DAPK1: variants seen among roughly 807,000 people sequenced by gnomAD.
The protein encoded by DAPK1 is death associated protein kinase 1.
DAPK1 carries 56 observed loss-of-function variants against 144.9 expected under a neutral mutation model. That is an observed-to-expected ratio of 0.39 (90% confidence interval 0.31 to 0.48). The LOEUF (loss-of-function observed/expected upper bound fraction) is 0.48. Ranked by LOEUF, DAPK1 falls within the 20% of genes least tolerant of loss-of-function variation. The probability of loss-of-function intolerance (pLI) is 0.95; values close to 1 mark genes in which losing one functional copy is unlikely to be tolerated. For missense variants in DAPK1, 1,454 were observed against 1,875.4 expected, an observed-to-expected ratio of 0.78 and a Z score of 4.15; for synonymous variants, 690 against 749.0, an observed-to-expected ratio of 0.92 and a Z score of 1.29.
intron 2 of DAPK1, among the ~76,000 whole-genome samples, chr9:87,514,593 A>G (rs903488841): frequency 1.3e-5 from 2 of 152,242 alleles, no homozygotes; most frequent in African/African-American, 4.8e-5. Context: ...CACAAGAACC[A>G]GCCCCAAATT....
At chr9:87,587,546 G>C (rs1352050496) in intron 2 of DAPK1, among the ~76,000 whole-genome samples, 1 of 152,140 alleles carries the variant, frequency 6.6e-6, no homozygotes, top group African/African-American at 2.4e-5. Context: ...CCCAGGGTGA[G>C]GTTACCCACA....
rs758891644 is a variant in DAPK1 at position 87,703,121 on chromosome 9, G to T, written c.2964G>T (p.Leu988=). The part of the protein sequence containing the change: ...KLNGPNQLMS[L]QQFVYDVQDQ... ...ATGGACCCAACCAGCTGATGTCGCTGCAGCAGTTTGTGTACGACGTGCAGG... is the reference window on the plus strand; with the variant it reads ...ATGGACCCAACCAGCTGATGTCGCTTCAGCAGTTTGTGTACGACGTGCAGG... The change falls in exon 25 of 26, where the codon CTG becomes CTT. Residue 988 remains leucine (L), a synonymous_variant. Coordinates refer to ENST00000408954, the MANE Select transcript of DAPK1 (RefSeq NM_004938.4). 3.9e-5 allele frequency: 63 copies of T among 1,604,558 alleles called. No individual in the cohort carries two copies. The highest frequency in any genetic ancestry group is 5.0e-5 in the Non-Finnish European group (59 of 1,171,342).
rs368659107 is a variant in DAPK1 at position 87,703,214 on chromosome 9, C to A, written c.3057C>A (p.Gly1019=). 14 of 1,600,306 alleles carry A rather than the reference C, an allele frequency of 8.7e-6. No individual in the cohort carries two copies. In the African/African-American group the frequency reaches 1.6e-4, roughly 18 times the overall value. The stretch of plus-strand genomic sequence containing the variant: ...TTGCTCAGCAGCTCCACAGCACAGG[C>A]GAGGTGAGCCCCTGGGAGCCCAGGC... ...RRIAQQLHST[G]EINIMQSETV... The change falls in exon 25 of 26, where the codon GGC becomes GGA. Residue 1019 remains glycine (G), a synonymous_variant. Transcript: ENST00000408954.
At chr9:87,700,285 G>A in intron 24 of DAPK1, 48 bp downstream of exon 24, 2 of 1,547,308 alleles carry the variant, frequency 1.3e-6, no homozygotes, top group Non-Finnish European at 1.8e-6. Flanking sequence ...CTTCCTTCCT[G>A]GTTTGCCTCT....
intron 19 of DAPK1, among the ~76,000 whole-genome samples, chr9:87,678,444 C>T (rs3118854): frequency 0.32 from 48,991 of 151,996 alleles, 8,944 homozygotes; most frequent in Middle Eastern, 0.53. Flanking sequence ...CAGACGCCCA[C>T]GGACACTGGA....
intron 2 of DAPK1, among the ~76,000 whole-genome samples, chr9:87,530,438 A>G (rs1208119784): frequency 6.6e-6 from 1 of 152,250 alleles, no homozygotes; most frequent in African/African-American, 2.4e-5. Context: ...TATTAAGCAC[A>G]TTAACAACCT....
chr9:87,595,655 A>G (rs975164007), intron 2 of DAPK1, among the ~76,000 whole-genome samples: 5 of 152,202 alleles, frequency 3.3e-5, no homozygotes, highest in East Asian at 3.9e-4. Context: ...CGGTTATGCC[A>G]CCTTCTTCTC....
At chr9:87,672,345 G>A (rs1824200923) in intron 19 of DAPK1, among the ~76,000 whole-genome samples, 1 of 152,158 alleles carries the variant, frequency 6.6e-6, no homozygotes, top group Non-Finnish European at 1.5e-5. Flanking sequence ...AGGAAACCTG[G>A]ATTCAAAGAG....
chr9:87,701,668 T>A (rs1825457209), intron 24 of DAPK1, among the ~76,000 whole-genome samples: 1 of 151,408 alleles, frequency 6.6e-6, no homozygotes, highest in African/African-American at 2.4e-5. Context: ...TGAGGACAAA[T>A]GCGGGCAGAT....
chr9:87,550,069 G>A (rs992121168), intron 2 of DAPK1, among the ~76,000 whole-genome samples: 2 of 152,160 alleles, frequency 1.3e-5, no homozygotes, highest in African/African-American at 2.4e-5. Flanking sequence ...TCCTAAGCAC[G>A]TCCTTTGATG....
intron 2 of DAPK1, among the ~76,000 whole-genome samples, chr9:87,543,131 T>C (rs1278381180): frequency 6.6e-6 from 1 of 152,216 alleles, no homozygotes; most frequent in Non-Finnish European, 1.5e-5. Flanking sequence ...AAAGAACATA[T>C]AAAAATGCTA....
At chr9:87,587,924 G>A (rs1018115114) in intron 2 of DAPK1, among the ~76,000 whole-genome samples, 1 of 152,218 alleles carries the variant, frequency 6.6e-6, no homozygotes, top group Non-Finnish European at 1.5e-5. Flanking sequence ...TACAATAATA[G>A]TAATCATATT....
At chr9:87,581,498 T>C (rs1156525418) in intron 2 of DAPK1, among the ~76,000 whole-genome samples, 1 of 152,226 alleles carries the variant, frequency 6.6e-6, no homozygotes, top group Non-Finnish European at 1.5e-5. Flanking sequence ...AATTGCATAC[T>C]TATCATGACC....
rs918923651 is a variant in DAPK1, at chr9:87,702,976, C to T, written c.2872-53C>T. 1.8e-5 allele frequency: 15 copies of T among 845,720 alleles called. No homozygotes were observed. In the Admixed American group the frequency reaches 2.4e-4, roughly 14 times the overall value. The allele number at this position is 845,720 out of a possible 1,614,324, so 52.4% of individuals were successfully genotyped here. A position where few individuals can be genotyped will look rare whatever the true frequency, so the allele number is the denominator to read the frequency against. ...GTGTCCTTTCCACTGTGGCTCTGCT[C>T]AGGGCACCCACAGCTGCAGGTGAGT... On this transcript the variant is annotated intron_variant, in intron 24 of 25. Transcript: ENST00000408954.
chr9:87,696,174 C>CAT (rs1210443496), intron 21 of DAPK1, among the ~76,000 whole-genome samples: 1 of 151,252 alleles, frequency 6.6e-6, no homozygotes, highest in Non-Finnish European at 1.5e-5. Flanking sequence ...TACAGACACA[C>CAT]ACACACACAT....
chr9:87,656,671 A>G (rs965198958), intron 17 of DAPK1, among the ~76,000 whole-genome samples: 2 of 152,256 alleles, frequency 1.3e-5, no homozygotes, highest in Non-Finnish European at 2.9e-5. Context: ...TCAGTGGCTG[A>G]ATGAATCATG....
intron 19 of DAPK1, among the ~76,000 whole-genome samples, chr9:87,679,549 C>G (rs1824525624): frequency 6.6e-6 from 1 of 152,158 alleles, no homozygotes; most frequent in African/African-American, 2.4e-5. Context: ...AACGCCTTGC[C>G]TACACTATCC....
intron 2 of DAPK1, among the ~76,000 whole-genome samples, chr9:87,518,720 G>A (rs1021855675): frequency 2.0e-5 from 3 of 152,050 alleles, no homozygotes; most frequent in Non-Finnish European, 2.9e-5. Context: ...GTGGAGTAGC[G>A]TAGAACCGTA....
chr9:87,641,640 C>T (rs193061108), intron 9 of DAPK1, among the ~76,000 whole-genome samples: 50 of 152,312 alleles, frequency 3.3e-4, no homozygotes, highest in African/African-American at 1.1e-3. Flanking sequence ...CTCTACATTA[C>T]TTGATGATAC....
Sources: gnomAD v4.1 joint callset for allele counts (sites outside exome capture counted in the v4.1 genomes callset) on GRCh38, gnomAD v4.1.1 for gene constraint, MANE v1.5 for transcripts, NCBI Gene and HGNC (gene_info 2026-07-23, HGNC 2026-07-21) for gene names.